Variants in PLA2G4A observed in about 807,000 individuals in gnomAD.
PLA2G4A encodes the protein phospholipase A2 group IVA.
Under a neutral mutation model 81.9 loss-of-function variants are expected in PLA2G4A, and 40 were observed. The ratio of observed to expected loss-of-function variants is 0.49; its 90% CI spans 0.38 to 0.64. The LOEUF (loss-of-function observed/expected upper bound fraction) is 0.64. PLA2G4A is among the 30% of genes least tolerant of loss of function. The pLI is 0.00. For synonymous variants in PLA2G4A, 302 were observed against 296.9 expected (o/e 1.02, Z -0.18); for missense variants, 715 against 905.1 (o/e 0.79, Z 2.69).
intron 13 of PLA2G4A, among the ~76,000 whole-genome samples, chr1:186,955,888 C>T (rs530908601): frequency 2.1e-4 from 26 of 125,798 alleles, no homozygotes; most frequent in African/African-American, 7.6e-4. Context: ...TGCACGCCAC[C>T]ATGACCAGCT....
At chr1:186,941,691 G>C (rs1005725360) in intron 10 of PLA2G4A, among the ~76,000 whole-genome samples, 1 of 152,110 alleles carries the variant, frequency 6.6e-6, no homozygotes, top group Non-Finnish European at 1.5e-5. Flanking sequence ...TATATAGATT[G>C]CAGCAGTCTG....
At chr1:186,909,361 A>C (rs1432462754) in intron 6 of PLA2G4A, among the ~76,000 whole-genome samples, 1 of 90,256 alleles carries the variant, frequency 1.1e-5, no homozygotes, top group African/African-American at 8.6e-5. Context: ...CCAAGATTAG[A>C]CTTAAAAGTG....
At chr1:186,927,111 C>A (rs936366918) in intron 7 of PLA2G4A, among the ~76,000 whole-genome samples, 5 of 152,110 alleles carry the variant, frequency 3.3e-5, no homozygotes, top group Non-Finnish European at 2.9e-5. Context: ...TCAGACTGAA[C>A]CAATTTGGGC....
intron 5 of PLA2G4A, among the ~76,000 whole-genome samples, chr1:186,897,201 G>C (rs1558413032): frequency 1.3e-5 from 2 of 152,124 alleles, no homozygotes; most frequent in South Asian, 2.1e-4. Context: ...AGTCAACATA[G>C]AGTGATTTCT....
intron 7 of PLA2G4A, among the ~76,000 whole-genome samples, chr1:186,911,680 A>G (rs1236080231): frequency 6.6e-6 from 1 of 152,170 alleles, no homozygotes; most frequent in Non-Finnish European, 1.5e-5. Context: ...GAGAGTTCCA[A>G]TATGCTTCTT....
intron 1 of PLA2G4A, among the ~76,000 whole-genome samples, chr1:186,840,792 C>T (rs1188632232): frequency 1.3e-5 from 2 of 152,152 alleles, no homozygotes; most frequent in African/African-American, 2.4e-5. Context: ...AAAGATATGG[C>T]TTTCCATGCT....
intron 1 of PLA2G4A, among the ~76,000 whole-genome samples, chr1:186,834,162 G>A (rs184520713): frequency 4.6e-5 from 7 of 151,710 alleles, no homozygotes; most frequent in African/African-American, 1.7e-4. Flanking sequence ...ACTTGCTTAG[G>A]TTTTTGTTTT....
chr1:186,893,073 A>G lies in PLA2G4A; in HGVS notation c.178A>G (p.Thr60Ala). Residue 60 changes from threonine (T) to alanine (A), a missense_variant, in exon 4 of 18, where the codon ACA (threonine) becomes GCA (alanine). By Grantham distance (58) the Thr-to-Ala change is moderately conservative (BLOSUM62 0). Coordinates refer to ENST00000367466, the MANE Select transcript of PLA2G4A (RefSeq NM_024420.3). ...TACAACCCCTGACAGCAGGAAGAGA[A>G]CAAGACATTTCAATAATGACATAAA... ...ISTTPDSRKR[T>A]RHFNNDINPV... 1 of 1,609,838 alleles carries G rather than the reference A, an allele frequency of 6.2e-7. No homozygotes were observed. Among genetic ancestry groups the G allele is most frequent in the Non-Finnish European group, 8.5e-7 (1 of 1,176,042 alleles).
chr1:186,844,214 C>G (rs1652089316), intron 1 of PLA2G4A, among the ~76,000 whole-genome samples: 1 of 152,150 alleles, frequency 6.6e-6, no homozygotes, highest in Non-Finnish European at 1.5e-5. Flanking sequence ...GTTTGAGAGA[C>G]ATTTTTAATA....
chr1:186,921,185 G>T (rs1253311252), intron 7 of PLA2G4A, among the ~76,000 whole-genome samples: 1 of 151,914 alleles, frequency 6.6e-6, no homozygotes, highest in East Asian at 1.9e-4. Flanking sequence ...TCCCATTGGG[G>T]GTCTGTTCCT....
chr1:186,867,486 T>G (rs1025974837), intron 2 of PLA2G4A, among the ~76,000 whole-genome samples: 1 of 126,856 alleles, frequency 7.9e-6, no homozygotes, highest in Non-Finnish European at 1.6e-5. Flanking sequence ...GTTTTTAATT[T>G]CAAAGTCTAC....
chr1:186,964,753 A>G (rs1657075084), intron 14 of PLA2G4A, among the ~76,000 whole-genome samples: 1 of 152,230 alleles, frequency 6.6e-6, no homozygotes, highest in Admixed American at 6.5e-5. Context: ...TGTACTCGCA[A>G]TATGAGCTCT....
At chr1:186,868,755 G>A (rs1653128048) in intron 2 of PLA2G4A, among the ~76,000 whole-genome samples, 1 of 151,992 alleles carries the variant, frequency 6.6e-6, no homozygotes, top group Non-Finnish European at 1.5e-5. Context: ...GTAAATTTTG[G>A]TAGATTCTAT....
At chr1:186,831,392 C>A (rs982336712) in intron 1 of PLA2G4A, among the ~76,000 whole-genome samples, 1 of 152,148 alleles carries the variant, frequency 6.6e-6, no homozygotes, top group Non-Finnish European at 1.5e-5. Flanking sequence ...AACTGCTTGC[C>A]TGAAACCAGG....
Position 186,939,202 on chromosome 1 carries a change from T to C in PLA2G4A, c.890T>C (p.Met297Thr). ...GTCACCTTTACTGATATCTTTGGGA[T>C]GTTAATAGGAGAAACACTAATTCAT... ...QPVTFTDIFG[M>T]LIGETLIHNR... The change falls in exon 9 of 18, where the codon ATG becomes ACG. Residue 297 changes from methionine to threonine, a missense_variant. Met to Thr is a moderately conservative substitution (Grantham distance 81). Transcript: ENST00000367466. 1.3e-6 allele frequency: 2 copies of C among 1,590,710 alleles called. No individual in the cohort carries two copies. Among genetic ancestry groups the C allele is most frequent in the Non-Finnish European group, 1.7e-6 (2 of 1,158,854 alleles).
intron 1 of PLA2G4A, among the ~76,000 whole-genome samples, chr1:186,838,038 C>A (rs1211602076): frequency 6.6e-6 from 1 of 151,954 alleles, no homozygotes; most frequent in Non-Finnish European, 1.5e-5. Context: ...AGGTCGCCTG[C>A]TAAGAGTGGG....
intron 13 of PLA2G4A, among the ~76,000 whole-genome samples, chr1:186,953,239 G>A (rs1656625923): frequency 6.6e-6 from 1 of 152,138 alleles, no homozygotes; most frequent in African/African-American, 2.4e-5. Flanking sequence ...GGTATTACCT[G>A]TGCTTTGGAT....
chr1:186,918,344 T>C (rs140178957), intron 7 of PLA2G4A, among the ~76,000 whole-genome samples: 110 of 152,062 alleles, frequency 7.2e-4, no homozygotes, highest in Middle Eastern at 3.4e-3. Flanking sequence ...TTTATGTCCT[T>C]TCCCCCAGAG....
At position 186,940,002 on chromosome 1, in the gene PLA2G4A, G is replaced by T. The variant is rs1463639016; in HGVS notation, c.941G>T (p.Ser314Ile). 6.3e-7 allele frequency: 1 copy of T among 1,576,642 alleles called. No individual in the cohort carries two copies. The highest frequency in any genetic ancestry group is 1.1e-5 in the South Asian group (1 of 90,324). ...CAGAGAATGAATACTACTCTGAGCA[G>T]TTTGAAGGAAAAAGTTAATACTGCA... The part of the protein sequence containing the change: ...IHNRMNTTLS[S>I]LKEKVNTAQC... Residue 314 changes from serine (S) to isoleucine (I), a missense_variant, in exon 10 of 18, where the codon AGT (serine) becomes ATT (isoleucine). Transcript: ENST00000367466.
Sources: gnomAD v4.1 joint callset for allele counts (sites outside exome capture counted in the v4.1 genomes callset) on GRCh38, gnomAD v4.1.1 for gene constraint, MANE v1.5 for transcripts, NCBI Gene and HGNC (gene_info 2026-07-23, HGNC 2026-07-21) for gene names.